The following LEO1 variants were observed in gnomAD, a reference collection of about 807,000 sequenced individuals.
LEO1 encodes LEO1 component of Paf1/RNA polymerase II complex.
A neutral mutation model predicts 80.4 loss-of-function variants in LEO1; 34 were observed. The observed-to-expected ratio is 0.42, with a 90% CI of 0.32 to 0.56. LEO1 has a LOEUF of 0.56. Ranked by LOEUF, LEO1 falls within the 20% of genes least tolerant of loss-of-function variation. LEO1 has a pLI of 0.10. For missense variants in LEO1, 631 were observed against 814.2 expected (o/e 0.77, Z 2.74); for synonymous variants, 262 against 274.9 (o/e 0.95, Z 0.46).
At chr15:51,964,258 G>T (rs1322340524) in intron 2 of LEO1, among the ~76,000 whole-genome samples, 1 of 151,920 alleles carries the variant, frequency 6.6e-6, no homozygotes, top group African/African-American at 2.4e-5. Context: ...GAGGGACATG[G>T]ATGAAGCTGG....
Position 51,949,903 on chromosome 15 carries a change from C to G in LEO1, c.1703G>C (p.Ser568Thr). 6.2e-7 allele frequency: 1 copy of G among 1,614,082 alleles called. No homozygotes were observed. Among genetic ancestry groups the G allele is most frequent in the Non-Finnish European group, 8.5e-7 (1 of 1,180,022 alleles). The change falls in exon 10 of 12, where the codon AGT (serine) becomes ACT (threonine). Residue 568 changes from serine (S) to threonine (T), a missense_variant. Ser to Thr is a moderately conservative substitution (Grantham distance 58). This residue lies in a region of LEO1 where 117 missense variants were observed against 163.5 expected (regional missense o/e 0.72). Coordinates refer to ENST00000299601, the MANE Select transcript of LEO1 (RefSeq NM_138792.4). Reference sequence around the variant, plus strand: ...ATCGTATCGATCAGGTTCCAGGTAACTGGCGCTCAGCCCCCGCTGGTGCTG... The same window carrying G: ...ATCGTATCGATCAGGTTCCAGGTAAGTGGCGCTCAGCCCCCGCTGGTGCTG... ...EKQHQRGLSA[S>T]YLEPDRYDEE...
At chr15:51,954,713 C>A in intron 6 of LEO1, 138 bp from the exon 7 acceptor site, 1 of 630,168 alleles carries the variant, frequency 1.6e-6, no homozygotes. Flanking sequence ...ATGAACAACA[C>A]TGAAACCCTC....
chr15:51,953,937 C>G (rs900170180), intron 7 of LEO1, among the ~76,000 whole-genome samples: 4 of 139,372 alleles, frequency 2.9e-5, no homozygotes, highest in Non-Finnish European at 6.3e-5. Context: ...GAAATTTTTT[C>G]TTTTTTTTTT....
chr15:51,950,325 C>T (rs2056939128), intron 9 of LEO1, among the ~76,000 whole-genome samples: 1 of 152,166 alleles, frequency 6.6e-6, no homozygotes, highest in Non-Finnish European at 1.5e-5. Context: ...CCATTCATGC[C>T]CAGCAGAAAC....
At chr15:51,966,550 G>T in intron 1 of LEO1, 46 bp from the exon 2 acceptor site, 1 of 1,079,378 alleles carries the variant, frequency 9.3e-7, no homozygotes, top group Non-Finnish European at 1.4e-6. Flanking sequence ...AAAAAAGGCA[G>T]AGTAAGGCAG....
rs968197267 is a variant in LEO1 at position 51,944,364 on chromosome 15, A to C, written c.1896+2928T>G. 2.0e-5 allele frequency among the ~76,000 whole-genome samples: 3 copies of C among 152,318 alleles called. No homozygotes were observed. In the South Asian group the frequency reaches 6.2e-4, roughly 32 times the overall value. ...TTTTTCAATAATAATAATGGAAGCCAAAAATCTCCTGAAAGAAAATTGCCC... is the reference window on the plus strand; with the variant it reads ...TTTTTCAATAATAATAATGGAAGCCCAAAATCTCCTGAAAGAAAATTGCCC... On this transcript the variant is annotated intron_variant, in intron 11 of 11. Transcript: ENST00000299601.
chr15:51,966,278 G>A lies in LEO1; in HGVS notation c.285C>T (p.Asp95=). ...DNRSEASERS[D]HEDNDPSDVD... ...CATCTGAGGGGTCATTGTCCTCATG[G>A]TCAGAACGCTCAGAAGCTTCTGATC... The change falls in exon 2 of 12, where the codon GAC becomes GAT. Residue 95 remains aspartate, a synonymous_variant. Transcript: ENST00000299601. 6.2e-7 allele frequency: 1 copy of A among 1,614,006 alleles called. No individual in the cohort carries two copies. The highest frequency in any genetic ancestry group is 8.5e-7 in the Non-Finnish European group (1 of 1,179,970).
chr15:51,951,820 A>G lies in LEO1; in HGVS notation c.1611+24T>C, dbSNP rs764788057. 5 of 1,604,914 alleles carry G rather than the reference A, an allele frequency of 3.1e-6. No homozygotes were observed. In the African/African-American group the frequency reaches 6.7e-5, roughly 21 times the overall value. On this transcript the variant is annotated intron_variant, in intron 9 of 11. Transcript: ENST00000299601. ...CTAATATACCAAAGAATCCCAGGAT[A>G]ACGCTTAGGCTTAGCAAACATACCT... is the stretch of plus-strand genomic sequence containing the variant.
At chr15:51,942,133 G>A (rs1169868339) in intron 11 of LEO1, among the ~76,000 whole-genome samples, 2 of 152,210 alleles carry the variant, frequency 1.3e-5, no homozygotes, top group Non-Finnish European at 2.9e-5. Context: ...CTTAGAACAG[G>A]AATGCTCCCA....
At chr15:51,954,618 G>T in intron 6 of LEO1, 43 bp from the exon 7 acceptor site, 2 of 1,285,506 alleles carry the variant, frequency 1.6e-6, no homozygotes, top group South Asian at 1.2e-5. Context: ...TAGTTTAAAT[G>T]ACTCTATGCA....
At chr15:51,960,148 A>G in intron 4 of LEO1, 104 bp from the exon 5 acceptor site, 2 of 928,220 alleles carry the variant, frequency 2.2e-6, no homozygotes, top group Non-Finnish European at 3.2e-6. Flanking sequence ...ATAATTAGAT[A>G]TCACTTTAGG....
Position 51,951,859 on chromosome 15 carries a change from G to T in LEO1, c.1596C>A (p.Arg532=). ...GCAAACATACCTTAATCATTTCTGT[G>T]CGTTGGCATTCAGGATCACGACCAG... ...PMAGRDPECQ[R]TEMIKKEEER... Residue 532 remains arginine (R), a synonymous_variant, in exon 9 of 12, where the codon CGC becomes CGA. Coordinates refer to ENST00000299601, the MANE Select transcript of LEO1 (RefSeq NM_138792.4). 2 of 1,613,936 alleles carry T rather than the reference G, an allele frequency of 1.2e-6. No individual in the cohort carries two copies. Among genetic ancestry groups the T allele is most frequent in the Non-Finnish European group, 1.7e-6 (2 of 1,179,900 alleles).
chr15:51,954,774 C>G (rs188815532), intron 6 of LEO1, 199 bp from the exon 7 acceptor site: 1 of 542,748 alleles, frequency 1.8e-6, no homozygotes, highest in East Asian at 3.2e-5. Context: ...AAAAAATATG[C>G]TTAAGTGAAT....
chr15:51,958,290 T>C (rs572484131), intron 6 of LEO1, among the ~76,000 whole-genome samples: 1 of 122,390 alleles, frequency 8.2e-6, no homozygotes, highest in South Asian at 2.5e-4. Flanking sequence ...ACCTCATATC[T>C]ACAGAAAAAA....
At chr15:51,953,000 T>C in intron 8 of LEO1, 129 bp downstream of exon 8, 1 of 742,184 alleles carries the variant, frequency 1.3e-6, no homozygotes, top group South Asian at 2.0e-5. Flanking sequence ...TTCAGAACTA[T>C]GCACAAGATC....
intron 5 of LEO1, among the ~76,000 whole-genome samples, chr15:51,959,213 A>G (rs1196748550): frequency 2.0e-5 from 3 of 152,288 alleles, no homozygotes; most frequent in Admixed American, 6.5e-5. Flanking sequence ...CATGTTGGTC[A>G]GGCTGGTCTC....
chr15:51,960,092 G>A (rs2057018457), intron 4 of LEO1, 48 bp from the exon 5 acceptor site: 2 of 1,484,124 alleles, frequency 1.3e-6, no homozygotes, highest in Non-Finnish European at 1.9e-6. Context: ...CTTAGAAATG[G>A]CTTCCTTCAA....
intron 10 of LEO1, among the ~76,000 whole-genome samples, chr15:51,948,104 C>G (rs540383337): frequency 6.6e-6 from 1 of 152,110 alleles, no homozygotes; most frequent in Non-Finnish European, 1.5e-5. Flanking sequence ...CCAGGCAGAC[C>G]TTTCAAAGAG....
At chr15:51,951,321 T>A (rs2056947013) in intron 9 of LEO1, among the ~76,000 whole-genome samples, 1 of 152,250 alleles carries the variant, frequency 6.6e-6, no homozygotes, top group African/African-American at 2.4e-5. Context: ...CTCTATCGAT[T>A]AGGTACAATG....
Sources: gnomAD v4.1 joint callset for allele counts (sites outside exome capture counted in the v4.1 genomes callset) on GRCh38, gnomAD v4.1.1 for gene constraint, gnomAD v4.1.1 regional missense constraint, MANE v1.5 for transcripts, NCBI Gene and HGNC (gene_info 2026-07-23, HGNC 2026-07-21) for gene names.